The following CAMSAP1 variants were observed in gnomAD, a reference collection of about 807,000 sequenced individuals.
CAMSAP1 encodes calmodulin regulated spectrin associated protein 1.
A neutral mutation model predicts 143.5 loss-of-function variants in CAMSAP1; 58 were observed. The ratio of observed to expected loss-of-function variants is 0.40; its 90% CI spans 0.33 to 0.50. The LOEUF (loss-of-function observed/expected upper bound fraction) is 0.50. CAMSAP1 is among the 20% of genes least tolerant of loss of function. CAMSAP1 has a pLI of 0.45. For synonymous variants in CAMSAP1, 945 were observed against 859.3 expected, an observed-to-expected ratio of 1.10 and a Z score of -1.74; for missense variants, 1,969 against 2,115.7, an observed-to-expected ratio of 0.93 and a Z score of 1.36.
intron 3 of CAMSAP1, among the ~76,000 whole-genome samples, chr9:135,867,597 C>G (rs1192359485): frequency 6.6e-6 from 1 of 151,726 alleles, no homozygotes; most frequent in Non-Finnish European, 1.5e-5. Flanking sequence ...AAAAGCACCA[C>G]GTAAAAACAC....
At chr9:135,823,901 T>C in intron 10 of CAMSAP1, 49 bp downstream of exon 10, 1 of 1,442,894 alleles carries the variant, frequency 6.9e-7, no homozygotes, top group South Asian at 1.2e-5. Flanking sequence ...AACTGCTGTT[T>C]AGTATAAAAA....
chr9:135,851,923 G>GC (rs1836797569), intron 5 of CAMSAP1, among the ~76,000 whole-genome samples: 1 of 152,178 alleles, frequency 6.6e-6, no homozygotes, highest in Non-Finnish European at 1.5e-5. Context: ...AGCTAGGCAC[G>GC]CCCTCCTGTG....
intron 5 of CAMSAP1, among the ~76,000 whole-genome samples, chr9:135,851,144 T>G (rs990740127): frequency 9.2e-5 from 14 of 152,070 alleles, no homozygotes; most frequent in Admixed American, 7.9e-4. Flanking sequence ...GAGTGGGGGG[T>G]GGCCCTCAGA....
intron 1 of CAMSAP1, among the ~76,000 whole-genome samples, chr9:135,884,336 C>A (rs796655303): frequency 7.9e-5 from 12 of 152,218 alleles, no homozygotes; most frequent in African/African-American, 2.9e-4. Context: ...CCAGCTGTGG[C>A]GATGGTTCCC....
intron 1 of CAMSAP1, among the ~76,000 whole-genome samples, chr9:135,905,131 T>A (rs1838737444): frequency 6.6e-6 from 1 of 152,222 alleles, no homozygotes; most frequent in African/African-American, 2.4e-5. Context: ...CACCTTTTAA[T>A]AATTCCAGAA....
At chr9:135,860,010 G>C (rs1837121891) in intron 5 of CAMSAP1, among the ~76,000 whole-genome samples, 1 of 145,508 alleles carries the variant, frequency 6.9e-6, no homozygotes, top group Admixed American at 6.9e-5. Context: ...TTCGAGACCA[G>C]CCCAGGCAAC....
rs1351690941 is a variant in CAMSAP1, at chr9:135,849,053, G to A, written c.1045+1084C>T. On this transcript the variant is annotated intron_variant, in intron 7 of 16. Transcript: ENST00000389532. ...CTGGAGGATATATACCCGCACAGAT[G>A]CTCCTCAGCTTACAATGGGGTCATG... Among the ~76,000 whole-genome samples, 4 of 152,226 alleles carry A rather than the reference G, an allele frequency of 2.6e-5. 1 individual carries two copies. Among genetic ancestry groups the A allele is most frequent in the African/African-American group, 7.2e-5 (3 of 41,464 alleles).
rs1172940138 is a variant in CAMSAP1 at position 135,907,367 on chromosome 9, C to A, written c.-208G>T. ...GCATGCTGCGGGCGCTGAGCCCGAG[C>A]GGAGGAGGTGCCGAGCCCGCGGCCC... On this transcript the variant is annotated 5_prime_UTR_variant, in exon 1 of 17. Coordinates refer to ENST00000389532, the MANE Select transcript of CAMSAP1 (RefSeq NM_015447.4). 2 of 170,322 alleles carry A rather than the reference C, an allele frequency of 1.2e-5. No homozygotes were observed. Among genetic ancestry groups the A allele is most frequent in the East Asian group, 1.9e-4 (1 of 5,188 alleles). 10.6% of individuals were successfully genotyped at this position (170,322 alleles called of 1,614,324 possible). A position where few individuals can be genotyped will look rare whatever the true frequency, so the allele number is the denominator to read the frequency against.
Position 135,822,516 on chromosome 9 carries a change from T to C in CAMSAP1, c.2145A>G (p.Leu715=), listed in dbSNP as rs751984920. The C allele has an allele frequency of 6.2e-7, 1 of 1,613,862 alleles. No homozygotes were observed. Among genetic ancestry groups the C allele is most frequent in the South Asian group, 1.1e-5 (1 of 91,070 alleles). ...TGGGGCTTTTTGAACAACTAACATA[T>C]AACCTTCCCTCGGTGTCTTCATCGG... ...GRADEDTEGR[L]YVSCSKSPNS... is the part of the protein sequence containing the mutation. The change falls in exon 11 of 17, where the codon TTA becomes TTG. Residue 715 remains leucine, a synonymous_variant. Transcript: ENST00000389532. The surrounding 1 kb of genome is among the most constrained non-coding windows in gnomAD (Gnocchi z 6.1).
chr9:135,899,492 T>C (rs1435879144), intron 1 of CAMSAP1, among the ~76,000 whole-genome samples: 4 of 151,778 alleles, frequency 2.6e-5, no homozygotes, highest in African/African-American at 7.3e-5. Flanking sequence ...CATTGTATCC[T>C]AGCAGGGACT....
At chr9:135,903,933 T>C (rs1348651593) in intron 1 of CAMSAP1, among the ~76,000 whole-genome samples, 1 of 152,210 alleles carries the variant, frequency 6.6e-6, no homozygotes, top group African/African-American at 2.4e-5. Flanking sequence ...ACAGCCACAC[T>C]GGGTAGCAGC....
In CAMSAP1 at chr9:135,810,361, T is replaced by G. The variant is rs912210113; in HGVS notation, c.*948A>C. On this transcript the variant is annotated 3_prime_UTR_variant, in exon 17 of 17. Transcript: ENST00000389532. ...ACAAGCCGTGACCTAACAAAACCAC[T>G]GAAGGGACTGTCAGCTTAAGTGCAT... is the stretch of plus-strand genomic sequence containing the variant. 2.0e-5 allele frequency: 3 copies of G among 152,166 alleles called. No homozygotes were observed. Among genetic ancestry groups the G allele is most frequent in the Non-Finnish European group, 2.9e-5 (2 of 68,018 alleles). The allele number at this position is 152,166 out of a possible 1,614,324, so 9.4% of individuals were successfully genotyped here. A position where few individuals can be genotyped will look rare whatever the true frequency, so the allele number is the denominator to read the frequency against.
Position 135,821,967 on chromosome 9 carries a change from C to G in CAMSAP1, c.2694G>C (p.Lys898Asn). 2 of 1,612,498 alleles carry G rather than the reference C, an allele frequency of 1.2e-6. No individual in the cohort carries two copies. Among genetic ancestry groups the G allele is most frequent in the Non-Finnish European group, 1.7e-6 (2 of 1,179,438 alleles). Residue 898 changes from lysine to asparagine, a missense_variant, in exon 11 of 17, where the codon AAG becomes AAC. Lys to Asn is a moderately conservative substitution (Grantham distance 94, BLOSUM62 0). Transcript: ENST00000389532. The surrounding 1 kb of genome is among the most constrained non-coding windows in gnomAD (Gnocchi z 4.6). ...GCTGCCTTGCCGACAGCGCCTCCAT[C>G]TTCTTCTTCTGGGCCTCGATGGCCC... is the stretch of plus-strand genomic sequence containing the variant. The part of the protein sequence containing the change: ...KRRAIEAQKK[K>N]MEALSARQRL...
In CAMSAP1 at chr9:135,820,964, G is replaced by A. The variant is rs1835426010; in HGVS notation, c.3697C>T (p.Leu1233Phe). 1 of 1,613,258 alleles carries A rather than the reference G, an allele frequency of 6.2e-7. No homozygotes were observed. Among genetic ancestry groups the A allele is most frequent in the African/African-American group, 1.3e-5 (1 of 74,898 alleles). The change falls in exon 11 of 17, where the codon CTC becomes TTC. Residue 1233 changes from leucine to phenylalanine, a missense_variant. Transcript: ENST00000389532. This position sits in a 1 kb window ranked among gnomAD's most constrained non-coding sequence, Gnocchi z 4.4. ...VEEPLRSRAS[L>F]IEVDLSDLKA... is the part of the protein sequence containing the mutation. ...AGGTCGGAGAGGTCCACTTCAATGA[G>A]GCTGGCCCTGCTCCTCAGAGGCTCC...
intron 7 of CAMSAP1, chr9:135,849,856 A>ATT (rs562095318): frequency 3.7e-4 from 93 of 253,264 alleles, no homozygotes; most frequent in Non-Finnish European, 4.6e-4. Flanking sequence ...TGTAGTAAAC[A>ATT]TTTTTTTTTT....
At chr9:135,891,597 T>C (rs1838292082) in intron 1 of CAMSAP1, among the ~76,000 whole-genome samples, 1 of 152,180 alleles carries the variant, frequency 6.6e-6, no homozygotes, top group South Asian at 2.1e-4. Context: ...CAAAGGACTT[T>C]AACAGGACCC....
At chr9:135,894,253 G>T (rs1306572164) in intron 1 of CAMSAP1, among the ~76,000 whole-genome samples, 1 of 152,050 alleles carries the variant, frequency 6.6e-6, no homozygotes, top group African/African-American at 2.4e-5. Context: ...TGCACCAAGG[G>T]AATCCAGCAA....
intron 1 of CAMSAP1, among the ~76,000 whole-genome samples, chr9:135,898,848 C>T (rs141135278): frequency 6.6e-6 from 1 of 152,324 alleles, no homozygotes; most frequent in Non-Finnish European, 1.5e-5. Context: ...ACCCAGTAAT[C>T]CCAAGCACAG....
At chr9:135,866,583 C>T in intron 3 of CAMSAP1, 47 bp from the exon 4 acceptor site, 1 of 869,642 alleles carries the variant, frequency 1.1e-6, no homozygotes, top group South Asian at 1.4e-5. Context: ...CTGTCCCGCA[C>T]AATTGTATCT....
Sources: allele counts gnomAD v4.1 joint callset (sites outside exome capture counted in the v4.1 genomes callset), GRCh38; gene constraint gnomAD v4.1.1; non-coding constraint Gnocchi (gnomAD v3.1); transcripts MANE v1.5; gene names NCBI Gene and HGNC (gene_info 2026-07-23, HGNC 2026-07-21).